Variants in SPI1 observed in about 807,000 individuals in gnomAD.
SPI1 encodes Spi-1 proto-oncogene.
In SPI1, 3 loss-of-function variants were observed where a neutral mutation model predicts 30.7. That is an observed-to-expected ratio of 0.10 (90% CI 0.04 to 0.25). SPI1 has a LOEUF of 0.25. Among genes scored for constraint, SPI1 ranks in the 10% least tolerant of loss-of-function variants. SPI1 has a pLI of 1.00. For missense variants in SPI1, 261 were observed against 371.5 expected, an observed-to-expected ratio of 0.70 and a Z score of 2.45; for synonymous variants, 169 against 157.1, an observed-to-expected ratio of 1.08 and a Z score of -0.56.
At chr11:47,355,737 C>T (rs1565634481) in intron 4 of SPI1, among the ~76,000 whole-genome samples, 191 bp from the exon 5 acceptor site, 1 of 148,356 alleles carries the variant, frequency 6.7e-6, no homozygotes, top group East Asian at 2.0e-4. Context: ...TGCGCACACA[C>T]AGGCGTTCAC....
chr11:47,364,845 C>G (rs975905544), intron 2 of SPI1, among the ~76,000 whole-genome samples: 1 of 152,136 alleles, frequency 6.6e-6, no homozygotes, highest in Admixed American at 6.6e-5. Flanking sequence ...CCCACTGAAG[C>G]AGAAGCACTA....
chr11:47,372,052 C>T (rs1370301804), intron 2 of SPI1, among the ~76,000 whole-genome samples: 1 of 152,202 alleles, frequency 6.6e-6, no homozygotes, highest in Non-Finnish European at 1.5e-5. Flanking sequence ...AAAGCAGCCC[C>T]CCATGTAGAC....
intron 2 of SPI1, among the ~76,000 whole-genome samples, chr11:47,366,919 ATT>A (rs2095929170): frequency 6.6e-6 from 1 of 152,236 alleles, no homozygotes; most frequent in Non-Finnish European, 1.5e-5. Flanking sequence ...TTGGATTCTA[ATT>A]ATTAGAGTTT....
At chr11:47,356,053 TCA>T (rs770113519) in intron 4 of SPI1, among the ~76,000 whole-genome samples, 86 of 149,466 alleles carry the variant, frequency 5.8e-4, no homozygotes, top group Admixed American at 1.3e-3. Context: ...ATGCACGTGC[TCA>T]CAGACTCACA....
In SPI1 at chr11:47,361,764, A is replaced by G. The variant is rs1298475209; in HGVS notation, c.143-1724T>C. On this transcript the variant is annotated intron_variant, in intron 2 of 4. Transcript: ENST00000378538. Reference sequence around the variant, plus strand: ...CTCTCACACAAACACCTAATCACACATCCCTAATAGATAATCATGATTTTT... The same window carrying G: ...CTCTCACACAAACACCTAATCACACGTCCCTAATAGATAATCATGATTTTT... 4.6e-5 allele frequency among the ~76,000 whole-genome samples: 7 copies of G among 152,018 alleles called. No individual in the cohort carries two copies. In the East Asian group the frequency reaches 1.2e-3, roughly 25 times the overall value.
In SPI1 at chr11:47,374,995, CG is replaced by C. The variant is rs564695520; in HGVS notation, c.142+637del. ...CCCAATTAGGGGTGATTTTGCCTCCCGGGGGGATCTGCCAATGGGTGGAGAC... is the reference window on the plus strand; with the variant it reads ...CCCAATTAGGGGTGATTTTGCCTCCCGGGGGATCTGCCAATGGGTGGAGAC... On this transcript the variant is annotated intron_variant, in intron 2 of 4. Coordinates refer to ENST00000378538, the MANE Select transcript of SPI1 (RefSeq NM_003120.3). This position sits in a 1 kb window ranked among gnomAD's most constrained non-coding sequence, Gnocchi z 4.5. 6.6e-6 allele frequency among the ~76,000 whole-genome samples: 1 copy of C among 152,206 alleles called. No homozygotes were observed. Among genetic ancestry groups the C allele is most frequent in the Non-Finnish European group, 1.5e-5 (1 of 68,026 alleles).
chr11:47,358,732 C>CAA, intron 4 of SPI1, 112 bp downstream of exon 4: 1 of 1,082,700 alleles, frequency 9.2e-7, no homozygotes, highest in Non-Finnish European at 1.4e-6. Context: ...CATGCACACA[C>CAA]ACACACACGC....
At chr11:47,356,448 T>G (rs918747533) in intron 4 of SPI1, among the ~76,000 whole-genome samples, 1 of 146,614 alleles carries the variant, frequency 6.8e-6, no homozygotes, top group Non-Finnish European at 1.5e-5. Context: ...GCACACACAC[T>G]CAGACCCACT....
intron 4 of SPI1, among the ~76,000 whole-genome samples, chr11:47,357,676 C>G (rs886441284): frequency 4.6e-5 from 7 of 152,244 alleles, no homozygotes; most frequent in Admixed American, 1.3e-4. Context: ...AGCAATTCTC[C>G]TGTCTCAGCC....
At chr11:47,356,214 CAT>C (rs1434651734) in intron 4 of SPI1, among the ~76,000 whole-genome samples, 12 of 151,768 alleles carry the variant, frequency 7.9e-5, no homozygotes, top group African/African-American at 2.7e-4. Flanking sequence ...CACTCACACA[CAT>C]GCTCACACAC....
chr11:47,366,601 TGAC>T (rs1338300167), intron 2 of SPI1, among the ~76,000 whole-genome samples: 1 of 152,040 alleles, frequency 6.6e-6, no homozygotes, highest in Non-Finnish European at 1.5e-5. Flanking sequence ...GTGGATCAAC[TGAC>T]ATCAGGAGTT....
Position 47,378,445 on chromosome 11 carries a change from G to T in SPI1, c.-92C>A. The stretch of plus-strand genomic sequence containing the variant: ...GGGGTGCCCCGTCAGGGGCTGGACG[G>T]TCGTGGGGCGGGTGCAGGGCTCAGG... On this transcript the variant is annotated 5_prime_UTR_variant, in exon 1 of 5. Transcript: ENST00000378538. 2 of 1,430,036 alleles carry T rather than the reference G, an allele frequency of 1.4e-6. No homozygotes were observed. The highest frequency in any genetic ancestry group is 1.9e-6 in the Non-Finnish European group (2 of 1,038,190). The allele number at this position is 1,430,036 out of a possible 1,614,324, so 88.6% of individuals were successfully genotyped here. A position where few individuals can be genotyped will look rare whatever the true frequency, so the allele number is the denominator to read the frequency against.
chr11:47,366,952 A>G (rs1354580477), intron 2 of SPI1, among the ~76,000 whole-genome samples: 1 of 152,236 alleles, frequency 6.6e-6, no homozygotes, highest in Non-Finnish European at 1.5e-5. Context: ...CCTTGTTACA[A>G]AGATGGATCT....
At chr11:47,366,776 G>A (rs1432387416) in intron 2 of SPI1, among the ~76,000 whole-genome samples, 3 of 151,484 alleles carry the variant, frequency 2.0e-5, no homozygotes, top group Non-Finnish European at 2.9e-5. Context: ...AGCAGAGATC[G>A]CACCATTGCA....
chr11:47,357,576 C>G (rs1351076795), intron 4 of SPI1, among the ~76,000 whole-genome samples: 1 of 151,564 alleles, frequency 6.6e-6, no homozygotes, highest in African/African-American at 2.4e-5. Context: ...CACCCATTCT[C>G]TTGTTTTTGA....
chr11:47,369,560 GA>G (rs3048195), intron 2 of SPI1, among the ~76,000 whole-genome samples: 1 of 137,562 alleles, frequency 7.3e-6, no homozygotes, highest in African/African-American at 2.7e-5. Context: ...GAGAGAGAGA[GA>G]AAAAAAAAAA....
chr11:47,362,186 G>A (rs1017250214), intron 2 of SPI1, among the ~76,000 whole-genome samples: 2 of 152,142 alleles, frequency 1.3e-5, no homozygotes, highest in Non-Finnish European at 2.9e-5. Context: ...CTTGCAAAGT[G>A]CTTAGACTAG....
Position 47,374,265 on chromosome 11 carries a change from G to C in SPI1, c.142+1368C>G, listed in dbSNP as rs1000662585. Among the ~76,000 whole-genome samples, 1 of 152,236 alleles carries C rather than the reference G, an allele frequency of 6.6e-6. No individual in the cohort carries two copies. Among genetic ancestry groups the C allele is most frequent in the African/African-American group, 2.4e-5 (1 of 41,468 alleles). ...CTACATTGCCTGGGTTTCCCACCAA[G>C]AGGATGTGTTTTTTACATAATTACA... On this transcript the variant is annotated intron_variant, in intron 2 of 4. Coordinates refer to ENST00000378538, the MANE Select transcript of SPI1 (RefSeq NM_003120.3). This position sits in a 1 kb window ranked among gnomAD's most constrained non-coding sequence, Gnocchi z 4.5.
intron 2 of SPI1, among the ~76,000 whole-genome samples, chr11:47,369,108 C>T (rs916973871): frequency 4.0e-5 from 6 of 151,898 alleles, no homozygotes; most frequent in Admixed American, 2.0e-4. Context: ...AGAAATTAGC[C>T]AGGTGTGGTG....
Sources: allele counts gnomAD v4.1 joint callset (sites outside exome capture counted in the v4.1 genomes callset), GRCh38; gene constraint gnomAD v4.1.1; non-coding constraint Gnocchi (gnomAD v3.1); transcripts MANE v1.5; gene names NCBI Gene and HGNC (gene_info 2026-07-23, HGNC 2026-07-21).